Variants in SASH1 observed in about 807,000 individuals in gnomAD.
SASH1 encodes the protein SAM and SH3 domain containing 1.
SASH1 carries 44 observed loss-of-function variants against 125.2 expected under a neutral mutation model. The ratio of observed to expected loss-of-function variants is 0.35; its 90% CI spans 0.28 to 0.45. SASH1 has a LOEUF of 0.45. Among genes scored for constraint, SASH1 ranks in the 20% least tolerant of loss-of-function variants. The pLI is 1.00. For missense variants in SASH1, 1,426 were observed against 1,614.5 expected (o/e 0.88, Z 2.00); for synonymous variants, 639 against 649.1 (o/e 0.98, Z 0.24).
rs552899855 is a variant in SASH1, at chr6:148,529,802, T to G, written c.1429-1724T>G. Among the ~76,000 whole-genome samples, 23 of 152,046 alleles carry G rather than the reference T, an allele frequency of 1.5e-4. No homozygotes were observed. The highest frequency in any genetic ancestry group is 3.4e-3 in the Middle Eastern group (1 of 294). Reference sequence around the variant, plus strand: ...ATGGAAGGTTTTATGTGGTTGTTTTTTTTTTGTTTTTGTTTTTGTTTTGAG... The same window carrying G: ...ATGGAAGGTTTTATGTGGTTGTTTTGTTTTTGTTTTTGTTTTTGTTTTGAG... On this transcript the variant is annotated intron_variant, in intron 12 of 19. Transcript: ENST00000367467. This position sits in a 1 kb window ranked among gnomAD's most constrained non-coding sequence, Gnocchi z 4.2.
the SASH1 span, among the ~76,000 whole-genome samples, chr6:148,208,965 G>A: frequency 8.5e-5 from 13 of 152,170 alleles, no homozygotes; most frequent in African/African-American, 2.9e-4. Context: ...TAAAAATAAG[G>A]CCTTTTTCTG....
rs756165889 is a variant in SASH1, at chr6:148,543,755, A to G, written c.2285A>G (p.Gln762Arg). The change falls in exon 18 of 20, where the codon CAG becomes CGG. Residue 762 changes from glutamine (Q) to arginine (R), a missense_variant. Physicochemically the swap from Gln to Arg is conservative, Grantham distance 43. This residue lies in a region of SASH1 where 634 missense variants were observed against 694.4 expected (regional missense o/e 0.91). Coordinates refer to ENST00000367467, the MANE Select transcript of SASH1 (RefSeq NM_015278.5). The stretch of plus-strand genomic sequence containing the variant: ...AGCTTGAAGTCTTTTAGCAGAAACC[A>G]GTTGGGCAATTACCCAACATTGCCT... ...EPSLKSFSRNQLGNYPTLPLM... is the reference protein window; with the variant it reads ...EPSLKSFSRNRLGNYPTLPLM... The G allele has an allele frequency of 1.2e-5, 19 of 1,610,644 alleles. No individual in the cohort carries two copies. Among genetic ancestry groups the G allele is most frequent in the Non-Finnish European group, 1.5e-5 (18 of 1,177,918 alleles).
intron 4 of SASH1, among the ~76,000 whole-genome samples, chr6:148,448,815 A>G (rs962615904): frequency 6.6e-6 from 1 of 152,124 alleles, no homozygotes; most frequent in Non-Finnish European, 1.5e-5. Flanking sequence ...CCATTCATAT[A>G]ACATAATTCA....
intron 1 of SASH1, among the ~76,000 whole-genome samples, chr6:148,321,243 G>T (rs1780625870): frequency 6.7e-6 from 1 of 148,232 alleles, no homozygotes; most frequent in Admixed American, 6.8e-5. Flanking sequence ...TACAAAAAAT[G>T]AGCCTGGCGT....
the SASH1 span, among the ~76,000 whole-genome samples, chr6:148,253,931 C>T: frequency 6.6e-6 from 1 of 151,808 alleles, no homozygotes; most frequent in East Asian, 1.9e-4. Context: ...ATAGGCCAGG[C>T]ACGGTGGTTT....
intron 2 of SASH1, among the ~76,000 whole-genome samples, chr6:148,434,450 C>T (rs964779915): frequency 3.3e-5 from 5 of 152,154 alleles, no homozygotes; most frequent in Admixed American, 2.0e-4. Context: ...TAAAAAAATT[C>T]AGTGAGATAT....
intron 4 of SASH1, among the ~76,000 whole-genome samples, chr6:148,446,100 T>TTTTTTTTTTTTTCTTTTTTTTC: frequency 1.2e-4 from 1 of 8,560 alleles, no homozygotes; most frequent in Non-Finnish European, 2.2e-4. Flanking sequence ...TTTTTTTTTT[T>TTTTTTTTTTTTTCTTTTTTTTC]TTTTTTTTTT....
chr6:148,274,524 C>A (rs1779137889), intron 1 of SASH1, among the ~76,000 whole-genome samples: 1 of 152,150 alleles, frequency 6.6e-6, no homozygotes, highest in African/African-American at 2.4e-5. Flanking sequence ...GAAAAGGAAG[C>A]AAGCACATTT....
chr6:148,292,580 G>T (rs1357398441), intron 1 of SASH1, among the ~76,000 whole-genome samples: 1 of 152,172 alleles, frequency 6.6e-6, no homozygotes, highest in Non-Finnish European at 1.5e-5. Context: ...GGTGTAAAGG[G>T]CATGTTACTT....
chr6:148,199,227 C>T, the SASH1 span, among the ~76,000 whole-genome samples: 1 of 152,038 alleles, frequency 6.6e-6, no homozygotes, highest in Non-Finnish European at 1.5e-5. Flanking sequence ...ACTAAAAATA[C>T]AAAAATTAAC....
At chr6:148,367,272 G>A (rs1466114411) in intron 1 of SASH1, among the ~76,000 whole-genome samples, 4 of 152,108 alleles carry the variant, frequency 2.6e-5, no homozygotes, top group East Asian at 1.9e-4. Context: ...AAGTAATCGC[G>A]GTTTATAATT....
intron 7 of SASH1, chr6:148,479,331 G>A (rs562996291): frequency 1.2e-5 from 2 of 165,098 alleles, no homozygotes; most frequent in Admixed American, 5.9e-5. Flanking sequence ...TTATAGGCCT[G>A]AGCCACTGCG....
At chr6:148,376,439 A>G (rs1021167044) in intron 1 of SASH1, among the ~76,000 whole-genome samples, 4 of 152,192 alleles carry the variant, frequency 2.6e-5, no homozygotes, top group African/African-American at 9.7e-5. Flanking sequence ...AATAGTTTCT[A>G]GTAAATAGAA....
chr6:148,470,498 G>A (rs1439108284), intron 5 of SASH1, among the ~76,000 whole-genome samples: 1 of 152,168 alleles, frequency 6.6e-6, no homozygotes, highest in Non-Finnish European at 1.5e-5. Flanking sequence ...AGACACCGCT[G>A]CTGCTGCTTT....
chr6:148,344,794 C>T (rs1781467433), intron 1 of SASH1, among the ~76,000 whole-genome samples: 2 of 149,490 alleles, frequency 1.3e-5, no homozygotes, highest in Middle Eastern at 3.5e-3. Context: ...CTTGCTCCGT[C>T]GCCCAGGCTG....
intron 1 of SASH1, among the ~76,000 whole-genome samples, chr6:148,324,677 A>C (rs2114582529): frequency 6.6e-6 from 1 of 152,278 alleles, no homozygotes; most frequent in East Asian, 1.9e-4. Context: ...AGATGGCTTG[A>C]ATTTTTGGGA....
chr6:148,490,243 C>G (rs1779053057), intron 8 of SASH1, among the ~76,000 whole-genome samples: 1 of 151,508 alleles, frequency 6.6e-6, no homozygotes, highest in South Asian at 2.1e-4. Context: ...GAGTATTGCT[C>G]TGTCACCCAG....
chr6:148,374,204 C>A (rs1446129500), intron 1 of SASH1, among the ~76,000 whole-genome samples: 1 of 152,192 alleles, frequency 6.6e-6, no homozygotes, highest in Non-Finnish European at 1.5e-5. Context: ...AATCGAGAAG[C>A]ATAAACAAGT....
At chr6:148,248,734 G>A in the SASH1 span, among the ~76,000 whole-genome samples, 2 of 152,122 alleles carry the variant, frequency 1.3e-5, no homozygotes, top group Non-Finnish European at 2.9e-5. Context: ...GCTTCATTTG[G>A]TGCTAAAGCA....
Sources: gnomAD v4.1 joint callset for allele counts (sites outside exome capture counted in the v4.1 genomes callset) on GRCh38, gnomAD v4.1.1 for gene constraint, gnomAD v4.1.1 regional missense constraint, Gnocchi (gnomAD v3.1) non-coding constraint, MANE v1.5 for transcripts, NCBI Gene and HGNC (gene_info 2026-07-23, HGNC 2026-07-21) for gene names.